Variants in RYR3 observed in about 807,000 individuals in gnomAD.
RYR3 encodes brain ryanodine receptor-calcium release channel.
RYR3 carries 207 observed loss-of-function variants against 584.3 expected under a neutral mutation model. The observed-to-expected ratio is 0.35, with a 90% CI of 0.32 to 0.40. The LOEUF (loss-of-function observed/expected upper bound fraction) is 0.40. Among genes scored for constraint, RYR3 ranks in the 10% least tolerant of loss-of-function variants. The pLI, the probability that RYR3 is intolerant of heterozygous loss-of-function variation, is 1.00. For missense variants in RYR3, 5,616 were observed against 6,089.2 expected, an observed-to-expected ratio of 0.92 and a Z score of 2.59; for synonymous variants, 2,416 against 2,248.5, an observed-to-expected ratio of 1.07 and a Z score of -2.11.
intron 31 of RYR3, among the ~76,000 whole-genome samples, chr15:33,649,488 C>T (rs1034695975): frequency 2.6e-5 from 4 of 152,172 alleles, no homozygotes; most frequent in East Asian, 1.9e-4. Flanking sequence ...GAATGGGGTA[C>T]GTGATCTCTC....
rs370943482 is a variant in RYR3, at chr15:33,813,496, C to T, written c.10419C>T (p.Ala3473=). 9.6e-5 allele frequency: 155 copies of T among 1,613,736 alleles called. No individual in the cohort carries two copies. Among genetic ancestry groups the T allele is most frequent in the Middle Eastern group, 1.7e-4 (1 of 5,992 alleles). ...AACAGCCTTTGAGGTCCAAGAAGGC[C>T]GTCTGGCACAAACTGTTATCAAAGC... ...QVEQPLRSKK[A]VWHKLLSKQR... Residue 3473 remains alanine, a synonymous_variant, in exon 74 of 104, where the codon GCC becomes GCT. Coordinates refer to ENST00000634891, the MANE Select transcript of RYR3 (RefSeq NM_001036.6).
intron 1 of RYR3, among the ~76,000 whole-genome samples, chr15:33,464,978 A>C (rs1213287764): frequency 6.6e-6 from 1 of 152,204 alleles, no homozygotes; most frequent in Non-Finnish European, 1.5e-5. Flanking sequence ...AAGTGAGATC[A>C]TGCAGTACTT....
intron 60 of RYR3, among the ~76,000 whole-genome samples, chr15:33,759,326 G>T (rs1022477509): frequency 6.6e-6 from 1 of 152,216 alleles, no homozygotes; most frequent in Non-Finnish European, 1.5e-5. Flanking sequence ...GGCTTCAGAA[G>T]ATGGGTAATA....
intron 36 of RYR3, among the ~76,000 whole-genome samples, chr15:33,665,190 A>G (rs1164621416): frequency 6.6e-6 from 1 of 152,220 alleles, no homozygotes; most frequent in Admixed American, 6.5e-5. Context: ...ATACAATGAC[A>G]TGGTGATGGT....
chr15:33,566,848 C>CT (rs746658873), intron 12 of RYR3, 49 bp downstream of exon 12: 1 of 1,602,972 alleles, frequency 6.2e-7, no homozygotes, highest in Non-Finnish European at 8.5e-7. Flanking sequence ...ACTCTGTGGC[C>CT]TGCCAACACC....
chr15:33,360,808 A>T (rs1202073619), intron 1 of RYR3, among the ~76,000 whole-genome samples: 1 of 152,172 alleles, frequency 6.6e-6, no homozygotes, highest in Non-Finnish European at 1.5e-5. Context: ...TTGAAGGTAA[A>T]TTATTTTCTA....
rs61329510 is a variant in RYR3, at chr15:33,720,875, T to TAA, written c.6620-1830_6620-1829dup. On this transcript the variant is annotated intron_variant, in intron 43 of 103. Coordinates refer to ENST00000634891, the MANE Select transcript of RYR3 (RefSeq NM_001036.6). ...GGTGACAGAGCCAGACCCTGTCTCTTAAAAAAAAAAATGCTTTACTCACAA... is the reference window on the plus strand; with the variant it reads ...GGTGACAGAGCCAGACCCTGTCTCTTAAAAAAAAAAAAATGCTTTACTCACAA... 2.9e-4 allele frequency among the ~76,000 whole-genome samples: 43 copies of TAA among 148,872 alleles called. No individual in the cohort carries two copies. The East Asian group carries it at 4.1e-3, about 14-fold the overall frequency.
At chr15:33,736,060 T>G (rs2069434114) in intron 48 of RYR3, among the ~76,000 whole-genome samples, 175 bp from the exon 49 acceptor site, 1 of 152,236 alleles carries the variant, frequency 6.6e-6, no homozygotes, top group Non-Finnish European at 1.5e-5. Flanking sequence ...TTCTGAATTT[T>G]AACTGTACTC....
At chr15:33,445,928 T>TGG (rs1286411935) in intron 1 of RYR3, among the ~76,000 whole-genome samples, 2 of 152,200 alleles carry the variant, frequency 1.3e-5, no homozygotes, top group Non-Finnish European at 2.9e-5. Flanking sequence ...CCGAATGTTC[T>TGG]GGGACCCTGA....
chr15:33,410,681 G>A lies in RYR3; in HGVS notation c.52-62738G>A, dbSNP rs572407519. Among the ~76,000 whole-genome samples, 32 of 152,364 alleles carry A rather than the reference G, an allele frequency of 2.1e-4. No individual in the cohort carries two copies. In the South Asian group the frequency reaches 6.4e-3, roughly 31 times the overall value. Reference sequence around the variant, plus strand: ...CCCACTGTAAATTCTTTCAGTCTCAGAGTGATATGAGTGGCATGGGCCCCG... The same window carrying A: ...CCCACTGTAAATTCTTTCAGTCTCAAAGTGATATGAGTGGCATGGGCCCCG... On this transcript the variant is annotated intron_variant, in intron 1 of 103. Transcript: ENST00000634891.
intron 7 of RYR3, 65 bp downstream of exon 7, chr15:33,540,955 A>G: frequency 9.8e-7 from 1 of 1,019,692 alleles, no homozygotes; most frequent in Non-Finnish European, 1.5e-6. Context: ...ATACATTGAC[A>G]TTTTCTGCTA....
At chr15:33,849,123 A>C (rs1378238594) in intron 94 of RYR3, 2 of 152,252 alleles carry the variant, frequency 1.3e-5, no homozygotes, top group Non-Finnish European at 2.9e-5. Flanking sequence ...GGCATGAGCC[A>C]CCACGCCCGG....
At chr15:33,705,808 G>A (rs1446562550) in intron 42 of RYR3, among the ~76,000 whole-genome samples, 2 of 152,214 alleles carry the variant, frequency 1.3e-5, no homozygotes, top group African/African-American at 2.4e-5. Context: ...GATTACTCAA[G>A]GGCCCACTCT....
chr15:33,855,229 G>A (rs370828768), intron 98 of RYR3, among the ~76,000 whole-genome samples: 2 of 151,420 alleles, frequency 1.3e-5, no homozygotes, highest in African/African-American at 2.4e-5. Context: ...ACGGTGTCTC[G>A]CTGTGTAGCC....
chr15:33,376,669 C>G (rs1310729927), intron 1 of RYR3, among the ~76,000 whole-genome samples: 2 of 152,172 alleles, frequency 1.3e-5, no homozygotes, highest in African/African-American at 2.4e-5. Context: ...AGTGGGGAAC[C>G]CGGGTAGTAC....
At chr15:33,432,698 T>G (rs1596109412) in intron 1 of RYR3, among the ~76,000 whole-genome samples, 2 of 77,516 alleles carry the variant, frequency 2.6e-5, no homozygotes, top group Non-Finnish European at 2.3e-5. Context: ...GTGTGTGTGT[T>G]TAAAGTAGAG....
intron 96 of RYR3, 111 bp downstream of exon 96, chr15:33,853,793 C>T: frequency 7.2e-7 from 1 of 1,395,600 alleles, no homozygotes; most frequent in African/African-American, 1.4e-5. Context: ...TGTGGTCTGG[C>T]TTAGGTGTTT....
chr15:33,681,877 A>T (rs1336111714), intron 38 of RYR3, among the ~76,000 whole-genome samples: 2 of 152,184 alleles, frequency 1.3e-5, no homozygotes, highest in Non-Finnish European at 2.9e-5. Context: ...TAGGTTTGAG[A>T]TCTGTAAGCT....
At chr15:33,396,486 C>T (rs17236010) in intron 1 of RYR3, among the ~76,000 whole-genome samples, 47,081 of 152,100 alleles carry the variant, frequency 0.31, 7,737 homozygotes, top group Non-Finnish European at 0.35. Flanking sequence ...AGTTCTCCAA[C>T]TTCTAATCTT....
Sources: allele counts gnomAD v4.1 joint callset (sites outside exome capture counted in the v4.1 genomes callset), GRCh38; gene constraint gnomAD v4.1.1; transcripts MANE v1.5; gene names NCBI Gene and HGNC (gene_info 2026-07-23, HGNC 2026-07-21).